PCDHA2: variants seen among roughly 807,000 people sequenced by gnomAD.
The protein encoded by PCDHA2 is protocadherin alpha 2.
In PCDHA2, 58 loss-of-function variants were observed where a neutral mutation model predicts 66.0. The observed-to-expected ratio is 0.88, with a 90% CI of 0.71 to 1.09. The LOEUF (loss-of-function observed/expected upper bound fraction) is 1.09, where lower values mean the gene tolerates loss of function less well. Among genes scored for constraint, PCDHA2 ranks in the 50% least tolerant of loss-of-function variants. PCDHA2 has a pLI of 0.00. For synonymous variants in PCDHA2, 634 were observed against 554.0 expected, an observed-to-expected ratio of 1.14 and a Z score of -2.03; for missense variants, 1,267 against 1,242.3, an observed-to-expected ratio of 1.02 and a Z score of -0.30.
intron 1 of PCDHA2, chr5:140,842,577 C>A: frequency 6.6e-7 from 1 of 1,512,698 alleles, no homozygotes; most frequent in Non-Finnish European, 9.0e-7. Context: ...GAGAGAGTGT[C>A]GGCCTATGAG....
intron 1 of PCDHA2, chr5:140,860,150 T>G (rs868970469): frequency 6.7e-6 from 1 of 150,164 alleles, no homozygotes; most frequent in Non-Finnish European, 1.5e-5. Flanking sequence ...TATGTATATA[T>G]GTGTATATAT....
intron 1 of PCDHA2, among the ~76,000 whole-genome samples, chr5:140,944,057 G>A (rs1394005045): frequency 1.3e-5 from 2 of 152,130 alleles, no homozygotes; most frequent in African/African-American, 4.8e-5. Context: ...GATACAAAAA[G>A]GTTTCTTGTT....
In PCDHA2 at chr5:140,993,462, T is replaced by C. The variant is rs540334246; in HGVS notation, c.2536+10899T>C. ...CATTCCTGTTCTCCTTCTTTCTTTCTCACACACACACACACACACACACAC... is the reference window on the plus strand; with the variant it reads ...CATTCCTGTTCTCCTTCTTTCTTTCCCACACACACACACACACACACACAC... On this transcript the variant is annotated intron_variant, in intron 3 of 3. Transcript: ENST00000526136. Among the ~76,000 whole-genome samples the C allele has an allele frequency of 4.2e-3, 597 of 141,044 alleles. 4 individuals are homozygous for C. Among genetic ancestry groups the C allele is most frequent in the African/African-American group, 0.015 (577 of 37,966 alleles). 92.5% of individuals were successfully genotyped at this position (141,044 alleles called of 152,430 possible).
intron 1 of PCDHA2, chr5:140,823,643 TG>T: frequency 6.2e-7 from 1 of 1,613,838 alleles, no homozygotes; most frequent in Non-Finnish European, 8.5e-7. Context: ...CCGTTCCGCG[TG>T]GGGCTGTACA....
At chr5:140,943,356 A>G (rs965090658) in intron 1 of PCDHA2, among the ~76,000 whole-genome samples, 2 of 152,014 alleles carry the variant, frequency 1.3e-5, no homozygotes, top group Non-Finnish European at 2.9e-5. Flanking sequence ...GAGTAGAGGA[A>G]AGGAGATCAT....
chr5:140,845,723 T>A (rs1461937173), intron 1 of PCDHA2, among the ~76,000 whole-genome samples: 7 of 149,666 alleles, frequency 4.7e-5, no homozygotes, highest in African/African-American at 1.5e-4. Context: ...GCATGATAAA[T>A]GTGAATTCTA....
chr5:140,966,937 C>T (rs2096072123), intron 1 of PCDHA2: 6 of 1,604,032 alleles, frequency 3.7e-6, no homozygotes, highest in Non-Finnish European at 5.1e-6. Flanking sequence ...CCGGCGCGCT[C>T]GTGGGCAACG....
intron 1 of PCDHA2, chr5:140,865,282 T>G (rs2048808966): frequency 6.6e-6 from 1 of 152,240 alleles, no homozygotes; most frequent in Non-Finnish European, 1.5e-5. Flanking sequence ...GTAAAATTAC[T>G]TTGCTCTTTT....
In PCDHA2 at chr5:140,796,659, G is replaced by C. The variant is rs930219115; in HGVS notation, c.1695G>C (p.Leu565=). 13 of 1,613,776 alleles carry C rather than the reference G, an allele frequency of 8.1e-6. No individual in the cohort carries two copies. The highest frequency in any genetic ancestry group is 3.3e-5 in the Admixed American group (2 of 59,986). The change falls in exon 1 of 4, where the codon CTG becomes CTC. Residue 565 remains leucine (L), a synonymous_variant. Coordinates refer to ENST00000526136, the MANE Select transcript of PCDHA2 (RefSeq NM_018905.3). ...VLDENDNAPA[L]LAPRAGTAAG... ...ACGAGAACGACAACGCGCCGGCACT[G>C]TTGGCGCCTAGGGCTGGCACCGCTG...
chr5:140,795,617 G>A lies in PCDHA2; in HGVS notation c.653G>A (p.Gly218Asp). 3 of 1,614,154 alleles carry A rather than the reference G, an allele frequency of 1.9e-6. No homozygotes were observed. Among genetic ancestry groups the A allele is most frequent in the Non-Finnish European group, 2.5e-6 (3 of 1,180,018 alleles). ...TTGTTACTGGTGGCTACTGATGGGG[G>A]CAAACCTGAGCTCACGGGCACCGTT... ...VNLLLVATDG[G>D]KPELTGTVQI... is the part of the protein sequence containing the mutation. The change falls in exon 1 of 4, where the codon GGC (glycine) becomes GAC (aspartate). Residue 218 changes from glycine (G) to aspartate (D), a missense_variant. Physicochemically the swap from Gly to Asp is moderately conservative, Grantham distance 94. Transcript: ENST00000526136.
intron 1 of PCDHA2, among the ~76,000 whole-genome samples, chr5:140,933,127 A>G (rs1311388252): frequency 6.6e-6 from 1 of 151,992 alleles, no homozygotes; most frequent in East Asian, 1.9e-4. Flanking sequence ...AAGCTAAATA[A>G]TAAAGGTAGA....
intron 1 of PCDHA2, among the ~76,000 whole-genome samples, chr5:140,890,477 C>T (rs1255992157): frequency 2.0e-5 from 3 of 151,926 alleles, no homozygotes; most frequent in African/African-American, 7.3e-5. Flanking sequence ...ATTTTTTGTG[C>T]GTTATTTTTG....
At chr5:140,856,648 T>C in intron 1 of PCDHA2, 1 of 1,598,290 alleles carries the variant, frequency 6.3e-7, no homozygotes, top group Non-Finnish European at 8.6e-7. Context: ...AGCTGCTGGA[T>C]CGTGAAGAAA....
chr5:140,809,205 G>C (rs782023023), intron 1 of PCDHA2: 1 of 1,614,084 alleles, frequency 6.2e-7, no homozygotes, highest in Admixed American at 1.7e-5. Context: ...GTGGAGAGTG[G>C]ACAGGCGCCA....
chr5:140,957,746 AG>A (rs1173855054), intron 1 of PCDHA2, among the ~76,000 whole-genome samples: 1 of 152,136 alleles, frequency 6.6e-6, no homozygotes, highest in Non-Finnish European at 1.5e-5. Flanking sequence ...CTGACATGAA[AG>A]GATGTTCATT....
At chr5:141,006,644 T>C (rs1411431797) in intron 3 of PCDHA2, among the ~76,000 whole-genome samples, 3 of 152,084 alleles carry the variant, frequency 2.0e-5, no homozygotes, top group African/African-American at 7.2e-5. Context: ...ATATAAGAGA[T>C]GATGGTGTCC....
chr5:140,813,370 T>G (rs2126646092), intron 1 of PCDHA2: 1 of 152,336 alleles, frequency 6.6e-6, no homozygotes, highest in East Asian at 1.9e-4. Context: ...ACTACAGACC[T>G]AGGTTACATG....
intron 1 of PCDHA2, chr5:140,866,443 C>T (rs974368547): frequency 2.0e-5 from 3 of 151,700 alleles, no homozygotes; most frequent in Non-Finnish European, 2.9e-5. Flanking sequence ...CTTCTTCAGT[C>T]TTATTGTTGG....
chr5:141,006,636 A>G (rs1322633928), intron 3 of PCDHA2, among the ~76,000 whole-genome samples: 3 of 152,210 alleles, frequency 2.0e-5, no homozygotes, highest in African/African-American at 7.2e-5. Context: ...TGCAATTCAT[A>G]TAAGAGATGA....
Sources: gnomAD v4.1 joint callset for allele counts (sites outside exome capture counted in the v4.1 genomes callset) on GRCh38, gnomAD v4.1.1 for gene constraint, MANE v1.5 for transcripts, NCBI Gene and HGNC (gene_info 2026-07-23, HGNC 2026-07-21) for gene names.